CTNNA2: variants seen among roughly 807,000 people sequenced by gnomAD.
The protein encoded by CTNNA2 is catenin alpha 2.
CTNNA2 carries 42 observed loss-of-function variants against 101.0 expected under a neutral mutation model. The ratio of observed to expected loss-of-function variants is 0.42; its 90% CI spans 0.32 to 0.54. CTNNA2 has a LOEUF of 0.54. Ranked by LOEUF, CTNNA2 falls within the 20% of genes least tolerant of loss-of-function variation. The pLI is 0.14. For synonymous variants in CTNNA2, 450 were observed against 456.4 expected (o/e 0.99, Z 0.18); for missense variants, 871 against 1,223.1 (o/e 0.71, Z 4.29).
intron 7 of CTNNA2, among the ~76,000 whole-genome samples, chr2:80,220,951 G>A (rs760421153): frequency 3.3e-5 from 5 of 151,982 alleles, no homozygotes; most frequent in East Asian, 3.9e-4. Flanking sequence ...GCACAATCTC[G>A]GCTCACTGCA....
In CTNNA2 at chr2:80,063,019, C is replaced by T. The variant is rs772393756; in HGVS notation, c.1056+153222C>T. Among the ~76,000 whole-genome samples the T allele has an allele frequency of 6.6e-5, 10 of 152,172 alleles. No individual in the cohort carries two copies. The South Asian group carries it at 1.5e-3, about 22-fold the overall frequency. On this transcript the variant is annotated intron_variant, in intron 7 of 18. Transcript: ENST00000402739. ...CGCGCCCGGCCAAAGCACTGTGGCCCGGCCAAAGCACTGTGATCTTAAGGT... is the reference window on the plus strand; with the variant it reads ...CGCGCCCGGCCAAAGCACTGTGGCCTGGCCAAAGCACTGTGATCTTAAGGT...
chr2:79,818,622 T>A (rs1173100435), intron 3 of CTNNA2, among the ~76,000 whole-genome samples: 1 of 151,800 alleles, frequency 6.6e-6, no homozygotes, highest in African/African-American at 2.4e-5. Context: ...GCCTGTGATT[T>A]ACCTTTAAAA....
intron 8 of CTNNA2, among the ~76,000 whole-genome samples, chr2:80,399,512 A>G (rs569797341): frequency 6.6e-6 from 1 of 152,302 alleles, no homozygotes; most frequent in African/African-American, 2.4e-5. Flanking sequence ...GTTTCATCAA[A>G]TGGTACACTA....
chr2:80,618,919 G>A, intron 17 of CTNNA2, 166 bp from the exon 18 acceptor site: 1 of 435,366 alleles, frequency 2.3e-6, no homozygotes, highest in Non-Finnish European at 4.0e-6. Flanking sequence ...TGTCAAGAAA[G>A]CCCATATGTA....
rs929108214 is a variant in CTNNA2 at position 80,200,869 on chromosome 2, T to TG, written c.1057-192342_1057-192341insG. Among the ~76,000 whole-genome samples the TG allele has an allele frequency of 5.6e-5, 5 of 89,632 alleles. No individual in the cohort carries two copies. In the African/African-American group the frequency reaches 5.9e-4, roughly 11 times the overall value. The allele number at this position is 89,632 out of a possible 152,430, so 58.8% of individuals were successfully genotyped here. ...GTTTTTGCCAACCTGATAGCCTTGG[T>TG]TTTTTTTTTTCCTGTACCTTCTCAG... On this transcript the variant is annotated intron_variant, in intron 7 of 18. Transcript: ENST00000402739.
At chr2:79,582,994 G>A (rs1011904070) in intron 1 of CTNNA2, among the ~76,000 whole-genome samples, 1 of 152,004 alleles carries the variant, frequency 6.6e-6, no homozygotes, top group Admixed American at 6.6e-5. Context: ...AATGTGTTGT[G>A]TTTTGAGTCT....
chr2:80,204,821 A>G (rs1233629928), intron 7 of CTNNA2, among the ~76,000 whole-genome samples: 2 of 136,986 alleles, frequency 1.5e-5, no homozygotes, highest in African/African-American at 6.7e-5. Flanking sequence ...AGACTGGGCA[A>G]TTTCCAAAAA....
chr2:79,189,120 G>A (rs180707812), intron 1 of CTNNA2, among the ~76,000 whole-genome samples: 1 of 152,194 alleles, frequency 6.6e-6, no homozygotes, highest in East Asian at 1.9e-4. Flanking sequence ...ACCCACGTTG[G>A]CACACAGGAC....
chr2:79,610,400 G>T (rs1678190631), intron 1 of CTNNA2, among the ~76,000 whole-genome samples: 1 of 152,046 alleles, frequency 6.6e-6, no homozygotes, highest in African/African-American at 2.4e-5. Flanking sequence ...CCATATGTCT[G>T]TACAAAGACT....
At chr2:79,571,565 T>C (rs1037960218) in intron 1 of CTNNA2, among the ~76,000 whole-genome samples, 2 of 152,164 alleles carry the variant, frequency 1.3e-5, no homozygotes, top group Non-Finnish European at 2.9e-5. Flanking sequence ...TCCTAACTGA[T>C]CTTTCTTCTC....
In CTNNA2 at chr2:80,135,486, AT is replaced by A. The variant is rs1702642114; in HGVS notation, c.1056+225690del. 2.0e-5 allele frequency among the ~76,000 whole-genome samples: 3 copies of A among 152,256 alleles called. No individual in the cohort carries two copies. The South Asian group carries it at 6.2e-4, about 32-fold the overall frequency. On this transcript the variant is annotated intron_variant, in intron 7 of 18. Coordinates refer to ENST00000402739, the MANE Select transcript of CTNNA2 (RefSeq NM_001282597.3). ...ACAGAATTCAGAGGTCTGTAGAGGA[AT>A]CCTGCCTTACTGAGGTTGGGCAGAT...
chr2:80,337,296 A>G (rs1375608085), intron 7 of CTNNA2, among the ~76,000 whole-genome samples: 1 of 152,054 alleles, frequency 6.6e-6, no homozygotes, highest in Non-Finnish European at 1.5e-5. Flanking sequence ...CTGAGGTTGC[A>G]GTGAGCCAAG....
intron 2 of CTNNA2, among the ~76,000 whole-genome samples, chr2:79,246,878 T>G (rs913929589): frequency 6.6e-6 from 1 of 152,224 alleles, no homozygotes; most frequent in African/African-American, 2.4e-5. Context: ...GTAGAGGATG[T>G]ACAATAACTG....
At chr2:80,367,190 G>C (rs995660993) in intron 7 of CTNNA2, among the ~76,000 whole-genome samples, 1 of 151,986 alleles carries the variant, frequency 6.6e-6, no homozygotes, top group Non-Finnish European at 1.5e-5. Context: ...CTTTCACATT[G>C]CGTAGAAAAA....
At chr2:79,651,521 T>G (rs367729864) in intron 1 of CTNNA2, 31 bp from the exon 2 acceptor site, 14 of 1,573,258 alleles carry the variant, frequency 8.9e-6, no homozygotes, top group Middle Eastern at 1.7e-4. Flanking sequence ...CAAAGATGAT[T>G]ATTTCTAACT....
chr2:79,793,874 ACACACACACTCATG>A lies in CTNNA2; in HGVS notation c.298+49302_298+49315del, dbSNP rs1487637561. Reference sequence around the variant, plus strand: ...TTTCCAACTTTCCCCAATACCACACACACACACACTCATGCACACACACACACACACACACACAC... The same window carrying A: ...TTTCCAACTTTCCCCAATACCACACACACACACACACACACACACACACAC... On this transcript the variant is annotated intron_variant, in intron 3 of 18. Transcript: ENST00000402739. Among the ~76,000 whole-genome samples the A allele has an allele frequency of 2.2e-3, 310 of 139,808 alleles. 4 individuals are homozygous for A. In the South Asian group the frequency reaches 0.03, roughly 13 times the overall value. 91.7% of individuals were successfully genotyped at this position (139,808 alleles called of 152,430 possible). A position where few individuals can be genotyped will look rare whatever the true frequency, so the allele number is the denominator to read the frequency against.
intron 1 of CTNNA2, among the ~76,000 whole-genome samples, chr2:79,575,164 A>G (rs1267474613): frequency 6.6e-6 from 1 of 152,168 alleles, no homozygotes. Context: ...GCAGAATCCT[A>G]TGATGGAATG....
At chr2:80,534,281 G>A (rs1690799793) in intron 9 of CTNNA2, among the ~76,000 whole-genome samples, 1 of 151,974 alleles carries the variant, frequency 6.6e-6, no homozygotes, top group Non-Finnish European at 1.5e-5. Context: ...TTTCTTCGTT[G>A]TACCATGTGG....
At chr2:80,484,461 C>T (rs145745355) in intron 9 of CTNNA2, among the ~76,000 whole-genome samples, 8 of 151,830 alleles carry the variant, frequency 5.3e-5, no homozygotes, top group East Asian at 1.9e-4. Context: ...ATTGGCTGTT[C>T]GGCGAAAAAG....
Sources: allele counts gnomAD v4.1 joint callset (sites outside exome capture counted in the v4.1 genomes callset), GRCh38; gene constraint gnomAD v4.1.1; transcripts MANE v1.5; gene names NCBI Gene and HGNC (gene_info 2026-07-23, HGNC 2026-07-21).